ATP2B2: variants seen among roughly 807,000 people sequenced by gnomAD.
The protein encoded by ATP2B2 is ATPase plasma membrane Ca2+ transporting 2.
ATP2B2 carries 15 observed loss-of-function variants against 120.0 expected under a neutral mutation model. The ratio of observed to expected loss-of-function variants is 0.12; its 90% CI spans 0.08 to 0.19. The LOEUF (loss-of-function observed/expected upper bound fraction) is 0.19, where lower values mean the gene tolerates loss of function less well. ATP2B2 is among the 10% of genes least tolerant of loss of function. ATP2B2 has a pLI of 1.00. For synonymous variants in ATP2B2, 694 were observed against 700.3 expected (o/e 0.99, Z 0.14); for missense variants, 1,045 against 1,719.8 (o/e 0.61, Z 6.94).
At chr3:10,610,845 G>C (rs2069215305) in intron 2 of ATP2B2, among the ~76,000 whole-genome samples, 1 of 152,164 alleles carries the variant, frequency 6.6e-6, no homozygotes, top group African/African-American at 2.4e-5. Flanking sequence ...CTGAGAACTG[G>C]GAGGCATGGA....
chr3:10,499,658 G>A (rs1056657602), intron 1 of ATP2B2, among the ~76,000 whole-genome samples: 1 of 152,190 alleles, frequency 6.6e-6, no homozygotes, highest in Non-Finnish European at 1.5e-5. Flanking sequence ...TCTGCCACAT[G>A]TTGGTCTCCT....
At chr3:10,408,517 A>C (rs577699146) in intron 3 of ATP2B2, among the ~76,000 whole-genome samples, 1 of 152,250 alleles carries the variant, frequency 6.6e-6, no homozygotes, top group African/African-American at 2.4e-5. Context: ...ATCCCAGTGA[A>C]GCTGGACTGT....
chr3:10,504,441 GC>G (rs1412821516), intron 1 of ATP2B2, among the ~76,000 whole-genome samples: 1 of 152,138 alleles, frequency 6.6e-6, no homozygotes, highest in Non-Finnish European at 1.5e-5. Context: ...AAGACCCTCT[GC>G]CGGCTGGTCG....
intron 2 of ATP2B2, among the ~76,000 whole-genome samples, chr3:10,444,695 G>A (rs920179936): frequency 5.9e-5 from 9 of 152,192 alleles, no homozygotes; most frequent in Non-Finnish European, 1.2e-4. Context: ...GACAACCCGA[G>A]GTGGGTGCAG....
At chr3:10,469,606 G>A (rs1263781819) in intron 1 of ATP2B2, among the ~76,000 whole-genome samples, 1 of 152,222 alleles carries the variant, frequency 6.6e-6, no homozygotes, top group Non-Finnish European at 1.5e-5. Flanking sequence ...CAGACTTCCA[G>A]GAAGAGGGTG....
intron 3 of ATP2B2, among the ~76,000 whole-genome samples, chr3:10,531,502 C>T (rs1337738621): frequency 1.3e-5 from 2 of 152,192 alleles, no homozygotes; most frequent in Non-Finnish European, 2.9e-5. Flanking sequence ...TCTTATGGGG[C>T]TGTTGTGAGG....
At chr3:10,558,903 G>C (rs1219368973) in intron 2 of ATP2B2, among the ~76,000 whole-genome samples, 2 of 152,118 alleles carry the variant, frequency 1.3e-5, no homozygotes, top group African/African-American at 4.8e-5. Context: ...GTAACAGAAG[G>C]TGGCCCTGCA....
chr3:10,408,042 G>A (rs2125005024), intron 3 of ATP2B2, among the ~76,000 whole-genome samples: 1 of 152,190 alleles, frequency 6.6e-6, no homozygotes, highest in East Asian at 1.9e-4. Context: ...GAAATTGGGT[G>A]CATTTCATGA....
chr3:10,534,526 C>T (rs2067271032), intron 2 of ATP2B2, among the ~76,000 whole-genome samples: 1 of 152,246 alleles, frequency 6.6e-6, no homozygotes, highest in South Asian at 2.1e-4. Context: ...AAACACTTTA[C>T]ATAAATTATC....
rs539261764 is a variant in ATP2B2, at chr3:10,596,961, G to A, written c.-415+22956C>T. Among the ~76,000 whole-genome samples, 5 of 152,244 alleles carry A rather than the reference G, an allele frequency of 3.3e-5. No individual in the cohort carries two copies. In the South Asian group the frequency reaches 6.2e-4, roughly 19 times the overall value. On this transcript the variant is annotated intron_variant, in intron 2 of 21. Transcript: ENST00000646379. ...CGTGGCACACCACAGGCGAGTACGC[G>A]TGCACACACACAGGCACACGCACAC...
At chr3:10,429,549 A>C (rs1455665283) in intron 2 of ATP2B2, among the ~76,000 whole-genome samples, 1 of 152,218 alleles carries the variant, frequency 6.6e-6, no homozygotes, top group Non-Finnish European at 1.5e-5. Flanking sequence ...TTAATCAGTC[A>C]ATGTTGCATG....
intron 2 of ATP2B2, among the ~76,000 whole-genome samples, chr3:10,606,857 C>T (rs567572081): frequency 3.4e-4 from 47 of 139,088 alleles, no homozygotes; most frequent in Admixed American, 6.3e-4. Flanking sequence ...GCACAGTAAA[C>T]GTAAGTGTAA....
intron 1 of ATP2B2, among the ~76,000 whole-genome samples, chr3:10,469,398 T>C (rs906789759): frequency 6.6e-6 from 1 of 152,220 alleles, no homozygotes; most frequent in Non-Finnish European, 1.5e-5. Context: ...CTGGGATGGA[T>C]ACTCAATACA....
At position 10,346,974 on chromosome 3, in the gene ATP2B2, T is replaced by C. The variant is rs1226220430; in HGVS notation, c.2405-837A>G. The stretch of plus-strand genomic sequence containing the variant: ...CCAGCATCACTTTGTTTCCTCTCAC[T>C]GACTCTGGACTCCCCCTCCAACTTG... On this transcript the variant is annotated intron_variant, in intron 16 of 22. Transcript: ENST00000360273. This position sits in a 1 kb window ranked among gnomAD's most constrained non-coding sequence, Gnocchi z 4.1. Among the ~76,000 whole-genome samples the C allele has an allele frequency of 6.6e-6, 1 of 152,162 alleles. No homozygotes were observed. Among genetic ancestry groups the C allele is most frequent in the Non-Finnish European group, 1.5e-5 (1 of 68,022 alleles).
chr3:10,538,323 C>A (rs1231798640), intron 2 of ATP2B2, among the ~76,000 whole-genome samples: 1 of 152,186 alleles, frequency 6.6e-6, no homozygotes, highest in African/African-American at 2.4e-5. Context: ...ACCATTCCTT[C>A]TGAAAATATT....
At chr3:10,432,269 T>C in intron 2 of ATP2B2, among the ~76,000 whole-genome samples, 1 of 152,166 alleles carries the variant, frequency 6.6e-6, no homozygotes, top group East Asian at 1.9e-4. Flanking sequence ...CCTCCTCTAG[T>C]GCTCAGAATT....
At chr3:10,666,903 G>C (rs1411852709) in intron 1 of ATP2B2, among the ~76,000 whole-genome samples, 1 of 152,232 alleles carries the variant, frequency 6.6e-6, no homozygotes, top group African/African-American at 2.4e-5. Flanking sequence ...GACTCTCTGA[G>C]TTTTAAAATT....
Position 10,326,942 on chromosome 3 carries a change from G to A in ATP2B2, c.*1872C>T. On this transcript the variant is annotated 3_prime_UTR_variant, in exon 23 of 23. Transcript: ENST00000360273. ...GCTGGGCTGACACAGCCATCGTGAG[G>A]AGGGTCAGCATGAGGAATGGATTTT... 1 of 398,772 alleles carries A rather than the reference G, an allele frequency of 2.5e-6. No homozygotes were observed. 24.7% of individuals were successfully genotyped at this position (398,772 alleles called of 1,614,324 possible).
At chr3:10,608,914 A>T (rs2069153981) in intron 2 of ATP2B2, among the ~76,000 whole-genome samples, 1 of 152,120 alleles carries the variant, frequency 6.6e-6, no homozygotes, top group Non-Finnish European at 1.5e-5. Context: ...CTCAATAAAC[A>T]TCTGGTAAAA....
Sources: gnomAD v4.1 joint callset for allele counts (sites outside exome capture counted in the v4.1 genomes callset) on GRCh38, gnomAD v4.1.1 for gene constraint, Gnocchi (gnomAD v3.1) non-coding constraint, MANE v1.5 for transcripts, NCBI Gene and HGNC (gene_info 2026-07-23, HGNC 2026-07-21) for gene names.